The following GALNT18 variants were observed in gnomAD, a reference collection of about 807,000 sequenced individuals.
GALNT18 encodes the protein GalNAc-transferase 18.
In GALNT18, 44 loss-of-function variants were observed where a neutral mutation model predicts 69.5. The ratio of observed to expected loss-of-function variants is 0.63; its 90% CI spans 0.50 to 0.81. The LOEUF (loss-of-function observed/expected upper bound fraction) is 0.81, where lower values mean the gene tolerates loss of function less well. Among genes scored for constraint, GALNT18 ranks in the 40% least tolerant of loss-of-function variants. The pLI, the probability that GALNT18 is intolerant of heterozygous loss-of-function variation, is 0.00. For synonymous variants in GALNT18, 364 were observed against 318.2 expected (o/e 1.14, Z -1.53); for missense variants, 715 against 810.0 (o/e 0.88, Z 1.42).
chr11:11,380,897 T>C (rs1165058905), intron 3 of GALNT18, among the ~76,000 whole-genome samples: 1 of 152,252 alleles, frequency 6.6e-6, no homozygotes, highest in African/African-American at 2.4e-5. Context: ...ATATGGCCTT[T>C]CTTGTCATTC....
chr11:11,477,629 T>C (rs6416094), intron 1 of GALNT18, among the ~76,000 whole-genome samples: 103,349 of 152,112 alleles, frequency 0.68, 35,929 homozygotes, highest in Admixed American at 0.78. Context: ...GATCCTCTAG[T>C]AGAATTAACA....
At position 11,377,329 on chromosome 11, in the gene GALNT18, G is replaced by A. The variant is rs1001732889; in HGVS notation, c.830C>T (p.Ser277Leu). The A allele has an allele frequency of 3.1e-6, 5 of 1,613,850 alleles. No homozygotes were observed. Among genetic ancestry groups the A allele is most frequent in the African/African-American group, 1.3e-5 (1 of 74,884 alleles). Residue 277 changes from serine (S) to leucine (L), a missense_variant, in exon 5 of 11, where the codon TCG becomes TTG. Ser to Leu is a moderately radical substitution (Grantham distance 145, BLOSUM62 -2). Transcript: ENST00000227756. This position sits in a 1 kb window ranked among gnomAD's most constrained non-coding sequence, Gnocchi z 4.6. Reference protein sequence around the residue: ...RIKENRKRIISPSFDNIKYDN... With the variant: ...RIKENRKRIILPSFDNIKYDN... ...ATATTTGATGTTATCAAAGGATGGC[G>A]AGATGATCCGCTTCCGGTTCTCCTT... is the stretch of plus-strand genomic sequence containing the variant.
chr11:11,590,552 G>C lies in GALNT18; in HGVS notation c.235+30807C>G, dbSNP rs1859332210. 6.6e-6 allele frequency among the ~76,000 whole-genome samples: 1 copy of C among 152,208 alleles called. No homozygotes were observed. Among genetic ancestry groups the C allele is most frequent in the African/African-American group, 2.4e-5 (1 of 41,454 alleles). ...GCATCAGTGCAACAGGGATATACTA[G>C]TGAGATATCACTCCCAACTTGCTTT... is the stretch of plus-strand genomic sequence containing the variant. On this transcript the variant is annotated intron_variant, in intron 1 of 10. Transcript: ENST00000227756. The surrounding 1 kb of genome is among the most constrained non-coding windows in gnomAD (Gnocchi z 4.4).
chr11:11,550,420 G>A (rs951934335), intron 1 of GALNT18, among the ~76,000 whole-genome samples: 53 of 152,308 alleles, frequency 3.5e-4, no homozygotes, highest in Middle Eastern at 3.4e-3. Context: ...GGGGAAACTT[G>A]GCCAATCCTT....
At chr11:11,556,416 G>A (rs1427373049) in intron 1 of GALNT18, among the ~76,000 whole-genome samples, 3 of 152,178 alleles carry the variant, frequency 2.0e-5, no homozygotes, top group East Asian at 1.9e-4. Context: ...ACATGGCACC[G>A]GTAACTCAGG....
chr11:11,599,833 T>C (rs993415094), intron 1 of GALNT18, among the ~76,000 whole-genome samples: 25 of 152,046 alleles, frequency 1.6e-4, no homozygotes, highest in African/African-American at 5.8e-4. Flanking sequence ...CTTTGATATA[T>C]GAATACATTG....
intron 9 of GALNT18, among the ~76,000 whole-genome samples, chr11:11,311,214 A>T (rs1443958926): frequency 6.6e-6 from 1 of 152,232 alleles, no homozygotes; most frequent in East Asian, 1.9e-4. Flanking sequence ...AAAGAGCAGC[A>T]ACTCAAGTAC....
In GALNT18 at chr11:11,339,709, T is replaced by C. The variant is rs1850170509; in HGVS notation, c.1278+1110A>G. Among the ~76,000 whole-genome samples, 2 of 152,164 alleles carry C rather than the reference T, an allele frequency of 1.3e-5. No individual in the cohort carries two copies. Among genetic ancestry groups the C allele is most frequent in the Non-Finnish European group, 1.5e-5 (1 of 68,018 alleles). On this transcript the variant is annotated intron_variant, in intron 7 of 10. Transcript: ENST00000227756. The surrounding 1 kb of genome is among the most constrained non-coding windows in gnomAD (Gnocchi z 5.2). ...CTGATATTTCTCCGCTCCTCATTCT[T>C]GCTCCCAACTGCTGAAACCTCACTG...
At position 11,583,348 on chromosome 11, in the gene GALNT18, C is replaced by T. The variant is rs942855493; in HGVS notation, c.235+38011G>A. ...TAATGGATGGTGACCTATCAGATGC[C>T]TTTGGGTCCTCCAGAGCAGCTGACC... On this transcript the variant is annotated intron_variant, in intron 1 of 10. Transcript: ENST00000227756. This position sits in a 1 kb window ranked among gnomAD's most constrained non-coding sequence, Gnocchi z 4.7. 2.0e-5 allele frequency among the ~76,000 whole-genome samples: 3 copies of T among 152,198 alleles called. No homozygotes were observed. The highest frequency in any genetic ancestry group is 4.4e-5 in the Non-Finnish European group (3 of 68,044).
Position 11,482,034 on chromosome 11 carries a change from C to T in GALNT18, c.236-33098G>A, listed in dbSNP as rs558104550. 9.2e-5 allele frequency among the ~76,000 whole-genome samples: 14 copies of T among 152,328 alleles called. No homozygotes were observed. The East Asian group carries it at 1.7e-3, about 19-fold the overall frequency. The stretch of plus-strand genomic sequence containing the variant: ...TCTAGCCACACTGAATTATGATTGC[C>T]GTCATCCTTGTCTGTTTCCCTACTG... On this transcript the variant is annotated intron_variant, in intron 1 of 10. Coordinates refer to ENST00000227756, the MANE Select transcript of GALNT18 (RefSeq NM_198516.3).
Position 11,372,422 on chromosome 11 carries a change from G to T in GALNT18, c.1092+93C>A. The T allele has an allele frequency of 1.1e-6, 1 of 922,548 alleles. No individual in the cohort carries two copies. 57.1% of individuals were successfully genotyped at this position (922,548 alleles called of 1,614,324 possible). On this transcript the variant is annotated intron_variant, in intron 6 of 10. Transcript: ENST00000227756. This position sits in a 1 kb window ranked among gnomAD's most constrained non-coding sequence, Gnocchi z 4.9. ...GACTGGACATTCAGAATCAGTCTGT[G>T]ACCCTCAACCTTAAACCCCATTTCT... is the stretch of plus-strand genomic sequence containing the variant.
At chr11:11,557,832 G>T (rs1033374277) in intron 1 of GALNT18, among the ~76,000 whole-genome samples, 1 of 152,228 alleles carries the variant, frequency 6.6e-6, no homozygotes, top group Non-Finnish European at 1.5e-5. Context: ...CCAAGAGGAT[G>T]CTCCAACATA....
chr11:11,293,098 G>A lies in GALNT18; in HGVS notation c.1608C>T (p.Ser536=). ...DDNRCLVDVN[S]RPRLIECSYA... Reference sequence around the variant, plus strand: ...AGCTGCATTCGATGAGCCGGGGCCGGCTGTTGACGTCCACCAGGCATCGGT... The same window carrying A: ...AGCTGCATTCGATGAGCCGGGGCCGACTGTTGACGTCCACCAGGCATCGGT... Residue 536 remains serine, a synonymous_variant, in exon 10 of 11, where the codon AGC becomes AGT. Transcript: ENST00000227756. 2.2e-6 allele frequency: 3 copies of A among 1,379,522 alleles called. No individual in the cohort carries two copies. Among genetic ancestry groups the A allele is most frequent in the South Asian group, 2.0e-5 (1 of 49,754 alleles). The allele number at this position is 1,379,522 out of a possible 1,614,324, so 85.5% of individuals were successfully genotyped here.
At chr11:11,292,919 T>A (rs912363696) in intron 10 of GALNT18, 110 bp downstream of exon 10, 4 of 1,002,738 alleles carry the variant, frequency 4.0e-6, no homozygotes, top group African/African-American at 1.7e-5. Flanking sequence ...CTACTGCCAG[T>A]CTGTCTCTCC....
chr11:11,545,447 T>C (rs1218298930), intron 1 of GALNT18, among the ~76,000 whole-genome samples: 2 of 152,216 alleles, frequency 1.3e-5, no homozygotes, highest in Non-Finnish European at 2.9e-5. Flanking sequence ...AATTCCAAGC[T>C]GTGTGTCCAT....
chr11:11,489,714 T>C (rs1384715033), intron 1 of GALNT18, among the ~76,000 whole-genome samples: 3 of 152,230 alleles, frequency 2.0e-5, no homozygotes, highest in Non-Finnish European at 4.4e-5. Context: ...AACATTTATG[T>C]AGGTGTTTAC....
intron 2 of GALNT18, among the ~76,000 whole-genome samples, chr11:11,440,547 GCTCAGGGCTCGGC>G (rs1387705028): frequency 6.6e-6 from 1 of 152,200 alleles, no homozygotes; most frequent in African/African-American, 2.4e-5. Context: ...GCAAAGCCTG[GCTCAGGGCTCGGC>G]CTCTGACGCC....
At position 11,586,843 on chromosome 11, in the gene GALNT18, C is replaced by T. The variant is rs1859240046; in HGVS notation, c.235+34516G>A. On this transcript the variant is annotated intron_variant, in intron 1 of 10. Transcript: ENST00000227756. The surrounding 1 kb of genome is among the most constrained non-coding windows in gnomAD (Gnocchi z 4.1). ...ACACACACACACACACAAAAAAAAG[C>T]CAGGTGTGGTGGCGGGCGTCTGTAA... 6.7e-6 allele frequency among the ~76,000 whole-genome samples: 1 copy of T among 148,916 alleles called. No homozygotes were observed. Among genetic ancestry groups the T allele is most frequent in the Admixed American group, 6.7e-5 (1 of 14,912 alleles).
At chr11:11,374,156 C>A (rs546326150) in intron 5 of GALNT18, among the ~76,000 whole-genome samples, 5 of 152,282 alleles carry the variant, frequency 3.3e-5, no homozygotes, top group African/African-American at 1.2e-4. Context: ...ATCCACCACT[C>A]CTAAAGCAGA....
Sources: allele counts gnomAD v4.1 joint callset (sites outside exome capture counted in the v4.1 genomes callset), GRCh38; gene constraint gnomAD v4.1.1; non-coding constraint Gnocchi (gnomAD v3.1); transcripts MANE v1.5; gene names NCBI Gene and HGNC (gene_info 2026-07-23, HGNC 2026-07-21).